The following CLASP1 variants were observed in gnomAD, a reference collection of about 807,000 sequenced individuals.
CLASP1 encodes the protein CLIP-associating protein 1.
Under a neutral mutation model 192.3 loss-of-function variants are expected in CLASP1, and 38 were observed. That is an observed-to-expected ratio of 0.20 (90% CI 0.15 to 0.26). CLASP1 has a LOEUF of 0.26. Among genes scored for constraint, CLASP1 ranks in the 10% least tolerant of loss-of-function variants. The pLI is 1.00. For synonymous variants in CLASP1, 691 were observed against 712.8 expected (o/e 0.97, Z 0.49); for missense variants, 1,433 against 1,932.5 (o/e 0.74, Z 4.85).
At chr2:121,583,400 A>G (rs1239719835) in intron 2 of CLASP1, among the ~76,000 whole-genome samples, 1 of 152,226 alleles carries the variant, frequency 6.6e-6, no homozygotes, top group Non-Finnish European at 1.5e-5. Context: ...GGAGTCCCAG[A>G]GCTAACTAAC....
At chr2:121,622,181 G>A (rs1411332307) in intron 1 of CLASP1, among the ~76,000 whole-genome samples, 1 of 152,034 alleles carries the variant, frequency 6.6e-6, no homozygotes, top group African/African-American at 2.4e-5. Flanking sequence ...TCTATATGGG[G>A]AATATTACCA....
intron 2 of CLASP1, among the ~76,000 whole-genome samples, chr2:121,570,946 T>G (rs2059920998): frequency 6.6e-6 from 1 of 152,046 alleles, no homozygotes; most frequent in African/African-American, 2.4e-5. Context: ...CCACGGGATT[T>G]GGATGCCCAT....
chr2:121,444,733 A>C (rs2084013500), intron 19 of CLASP1, among the ~76,000 whole-genome samples: 1 of 152,198 alleles, frequency 6.6e-6, no homozygotes, highest in African/African-American at 2.4e-5. Flanking sequence ...ACAAGAACAA[A>C]GACTGAACAA....
chr2:121,507,723 T>A (rs1304118285), intron 7 of CLASP1, among the ~76,000 whole-genome samples: 1 of 152,060 alleles, frequency 6.6e-6, no homozygotes, highest in Non-Finnish European at 1.5e-5. Context: ...CTAGACACAA[T>A]AACCAAACTG....
At chr2:121,436,727 A>C (rs1180579184) in intron 19 of CLASP1, among the ~76,000 whole-genome samples, 1 of 152,090 alleles carries the variant, frequency 6.6e-6, no homozygotes, top group Non-Finnish European at 1.5e-5. Flanking sequence ...TCTTTCATCA[A>C]TTATGAAGAA....
intron 26 of CLASP1, chr2:121,403,687 T>A: frequency 2.2e-6 from 1 of 454,442 alleles, no homozygotes; most frequent in South Asian, 1.6e-5. Flanking sequence ...CAAGTAAACT[T>A]CTGTAAAGAT....
In CLASP1 at chr2:121,348,435, C is replaced by T. The variant is rs913406452; in HGVS notation, c.4413+77G>A. ...CCCGTCCCTGCCAGTGAAGGAGGAG[C>T]ACAAAGCCCTTACATTACTTCAAGT... On this transcript the variant is annotated intron_variant, in intron 38 of 39. Coordinates refer to ENST00000263710, the Ensembl canonical transcript of CLASP1. The T allele has an allele frequency of 4.5e-6, 6 of 1,321,986 alleles. No homozygotes were observed. The African/African-American group carries it at 8.7e-5, about 19-fold the overall frequency. 81.9% of individuals were successfully genotyped at this position (1,321,986 alleles called of 1,614,324 possible). A position where few individuals can be genotyped will look rare whatever the true frequency, so the allele number is the denominator to read the frequency against.
At chr2:121,427,352 A>G in intron 21 of CLASP1, 52 bp downstream of exon 21, 2 of 1,599,454 alleles carry the variant, frequency 1.3e-6, no homozygotes, top group Non-Finnish European at 1.7e-6. Flanking sequence ...GGGGTCGGGG[A>G]GAATGCCAAC....
rs1391027985 is a variant in CLASP1, at chr2:121,536,370, G to A, written c.196-6045C>T. On this transcript the variant is annotated intron_variant, in intron 2 of 39. Transcript: ENST00000263710. ...CACTCCAGCCTGGGCGACAGAGCAA[G>A]ACTGTCTGAAAAAAAAAAAAAAAAA... is the stretch of plus-strand genomic sequence containing the variant. Among the ~76,000 whole-genome samples the A allele has an allele frequency of 5.1e-5, 5 of 97,198 alleles. No individual in the cohort carries two copies. The Admixed American group carries it at 6.0e-4, about 12-fold the overall frequency. 63.8% of individuals were successfully genotyped at this position (97,198 alleles called of 152,430 possible).
intron 33 of CLASP1, among the ~76,000 whole-genome samples, chr2:121,379,304 C>T (rs918240689): frequency 2.6e-5 from 4 of 151,750 alleles, no homozygotes; most frequent in African/African-American, 9.7e-5. Context: ...TGTTGAAATT[C>T]CATGTCTAAA....
At chr2:121,570,790 G>A (rs946965975) in intron 2 of CLASP1, among the ~76,000 whole-genome samples, 1 of 152,114 alleles carries the variant, frequency 6.6e-6, no homozygotes, top group Non-Finnish European at 1.5e-5. Flanking sequence ...GGTTAGGATG[G>A]ATGCCAAGGC....
intron 2 of CLASP1, among the ~76,000 whole-genome samples, chr2:121,589,737 A>C (rs974315478): frequency 1.3e-5 from 2 of 152,172 alleles, no homozygotes; most frequent in Admixed American, 6.5e-5. Context: ...GTAGGTGTGA[A>C]AGCACTTGGA....
chr2:121,482,225 C>T (rs781414847), intron 8 of CLASP1, among the ~76,000 whole-genome samples: 3 of 152,118 alleles, frequency 2.0e-5, no homozygotes, highest in Non-Finnish European at 4.4e-5. Context: ...CAAGGAACTC[C>T]TGACAGGGGA....
At chr2:121,474,276 A>C (rs2091276589) in intron 8 of CLASP1, among the ~76,000 whole-genome samples, 2 of 152,244 alleles carry the variant, frequency 1.3e-5, no homozygotes, top group Non-Finnish European at 1.5e-5. Context: ...GGAAGGCATG[A>C]AGAAAATGGA....
At position 121,530,575 on chromosome 2, in the gene CLASP1, C is replaced by A; in HGVS notation, c.196-250G>T. 5.6e-6 allele frequency: 3 copies of A among 533,630 alleles called. 1 individual carries two copies. In the South Asian group the frequency reaches 8.2e-5, roughly 15 times the overall value. The allele number at this position is 533,630 out of a possible 1,614,324, so 33.1% of individuals were successfully genotyped here. ...AAAAGGCAATACAGCGTAGCCAAACCCGGGTTAGCTGCGGGTGGAGTTCAA... is the reference window on the plus strand; with the variant it reads ...AAAAGGCAATACAGCGTAGCCAAACACGGGTTAGCTGCGGGTGGAGTTCAA... On this transcript the variant is annotated intron_variant, in intron 2 of 39. Transcript: ENST00000263710.
chr2:121,464,771 C>T (rs867387118), intron 9 of CLASP1, among the ~76,000 whole-genome samples: 7 of 151,938 alleles, frequency 4.6e-5, no homozygotes, highest in East Asian at 3.9e-4. Context: ...GAGTAGGTTG[C>T]GAAAATTTTC....
chr2:121,479,051 C>CACACACACACACA (rs1559371200), intron 8 of CLASP1, among the ~76,000 whole-genome samples: 2 of 96,878 alleles, frequency 2.1e-5, no homozygotes, highest in South Asian at 3.7e-4. Context: ...ACACACACCC[C>CACACACACACACA]CCCCCCACAC....
chr2:121,480,061 G>C (rs2092459355), intron 8 of CLASP1, among the ~76,000 whole-genome samples: 1 of 152,132 alleles, frequency 6.6e-6, no homozygotes, highest in South Asian at 2.1e-4. Context: ...CCAAAAAGCT[G>C]GGCTGGCATT....
intron 18 of CLASP1, 76 bp from the exon 19 acceptor site, chr2:121,447,583 T>G: frequency 7.9e-7 from 1 of 1,259,754 alleles, no homozygotes; most frequent in East Asian, 2.6e-5. Context: ...TCTGATGTTG[T>G]TTTGCTTTCC....
Sources: gnomAD v4.1 joint callset for allele counts (sites outside exome capture counted in the v4.1 genomes callset) on GRCh38, gnomAD v4.1.1 for gene constraint, MANE v1.5 for transcripts, NCBI Gene and HGNC (gene_info 2026-07-23, HGNC 2026-07-21) for gene names.